The following SLC25A48 variants were observed in gnomAD, a reference collection of about 807,000 sequenced individuals.
SLC25A48 encodes CTC-321K16.1.
In SLC25A48, 29 loss-of-function variants were observed where a neutral mutation model predicts 32.2. The ratio of observed to expected loss-of-function variants is 0.90; its 90% CI spans 0.67 to 1.23. The LOEUF is 1.23. SLC25A48 is among the 50% of genes most tolerant of loss of function. The pLI, the probability that SLC25A48 is intolerant of heterozygous loss-of-function variation, is 0.00. For missense variants in SLC25A48, 399 were observed against 422.7 expected (o/e 0.94, Z 0.49); for synonymous variants, 164 against 172.3 (o/e 0.95, Z 0.38).
At chr5:135,775,441 A>G (rs966378667) in intron 3 of SLC25A48, among the ~76,000 whole-genome samples, 2 of 151,598 alleles carry the variant, frequency 1.3e-5, no homozygotes, top group Admixed American at 1.3e-4. Flanking sequence ...AGAGAATAAT[A>G]TGACTCCCTA....
rs1761399870 is a variant in SLC25A48 at position 135,868,665 on chromosome 5, C to T, written c.422-2796C>T. On this transcript the variant is annotated intron_variant, in intron 4 of 7. Transcript: ENST00000681962. Reference sequence around the variant, plus strand: ...GTAAAAATACATCTATGTGTATACACACACACACACATACACACACACACA... The same window carrying T: ...GTAAAAATACATCTATGTGTATACATACACACACACATACACACACACACA... Among the ~76,000 whole-genome samples, 4 of 91,344 alleles carry T rather than the reference C, an allele frequency of 4.4e-5. No individual in the cohort carries two copies. The South Asian group carries it at 1.5e-3, about 35-fold the overall frequency. The allele number at this position is 91,344 out of a possible 152,430, so 59.9% of individuals were successfully genotyped here. A position where few individuals can be genotyped will look rare whatever the true frequency, so the allele number is the denominator to read the frequency against.
rs112183771 is a variant in SLC25A48, at chr5:135,791,936, G to A, written c.-520-20587G>A. Among the ~76,000 whole-genome samples, 689 of 151,712 alleles carry A rather than the reference G, an allele frequency of 4.5e-3. 10 individuals are homozygous for A. Among genetic ancestry groups the A allele is most frequent in the African/African-American group, 0.014 (565 of 41,406 alleles). ...TGTAATATCCTAAGAAGATATTACC[G>A]CAAACATCACAGTGCATGTACACAC... On this transcript the variant is annotated intron_variant, in intron 3 of 10. Transcript: ENST00000646290.
chr5:135,723,718 G>C (rs1755026025), intron 3 of SLC25A48, among the ~76,000 whole-genome samples: 2 of 152,064 alleles, frequency 1.3e-5, no homozygotes, highest in South Asian at 2.1e-4. Context: ...TTTGCATTCT[G>C]TTTCTCCCTT....
intron 6 of SLC25A48, chr5:135,874,533 T>C (rs1761904159): frequency 1.8e-6 from 1 of 564,590 alleles, no homozygotes; most frequent in Non-Finnish European, 3.1e-6. Flanking sequence ...CTCCTCCCAG[T>C]GGGAAGTGCC....
chr5:135,654,649 C>G (rs1232243432), intron 3 of SLC25A48, among the ~76,000 whole-genome samples: 1 of 152,138 alleles, frequency 6.6e-6, no homozygotes, highest in Non-Finnish European at 1.5e-5. Flanking sequence ...GCTACACTAC[C>G]CAGTTATTTA....
intron 3 of SLC25A48, among the ~76,000 whole-genome samples, chr5:135,681,026 G>T (rs938970286): frequency 6.6e-6 from 1 of 151,552 alleles, no homozygotes; most frequent in Non-Finnish European, 1.5e-5. Flanking sequence ...GCTCTAGTTG[G>T]CAAGGATAGA....
intron 3 of SLC25A48, among the ~76,000 whole-genome samples, chr5:135,690,306 T>G (rs1009800292): frequency 1.3e-5 from 2 of 152,108 alleles, no homozygotes; most frequent in East Asian, 3.9e-4. Flanking sequence ...TAATATATTA[T>G]GGAGGGATGA....
At chr5:135,633,549 A>G (rs1752628229) in intron 2 of SLC25A48, among the ~76,000 whole-genome samples, 1 of 151,962 alleles carries the variant, frequency 6.6e-6, no homozygotes, top group Non-Finnish European at 1.5e-5. Context: ...CTCCAGAACC[A>G]TGCTGTCTCT....
chr5:135,808,750 G>A (rs1345863584), intron 3 of SLC25A48, among the ~76,000 whole-genome samples: 6 of 152,150 alleles, frequency 3.9e-5, no homozygotes. Context: ...CATGGAAGGT[G>A]CTTACTAAAT....
At chr5:135,723,988 C>T (rs1182681866) in intron 3 of SLC25A48, among the ~76,000 whole-genome samples, 1 of 152,194 alleles carries the variant, frequency 6.6e-6, no homozygotes, top group Non-Finnish European at 1.5e-5. Flanking sequence ...TGGAGGTCTT[C>T]TCTACTTATT....
chr5:135,806,247 T>C (rs1757461301), intron 3 of SLC25A48, among the ~76,000 whole-genome samples: 1 of 151,742 alleles, frequency 6.6e-6, no homozygotes, highest in African/African-American at 2.4e-5. Context: ...GTACACCCTG[T>C]GGGTATGTAC....
chr5:135,653,008 G>T (rs1753152815), intron 3 of SLC25A48, among the ~76,000 whole-genome samples: 2 of 152,092 alleles, frequency 1.3e-5, no homozygotes, highest in Non-Finnish European at 1.5e-5. Flanking sequence ...CTTTTGTGGT[G>T]GGTTCACGCT....
intron 3 of SLC25A48, among the ~76,000 whole-genome samples, chr5:135,715,643 T>G (rs536866741): frequency 1.8e-4 from 28 of 152,356 alleles, no homozygotes; most frequent in African/African-American, 6.5e-4. Context: ...GTTTGGGCAC[T>G]AGAGTGTTGG....
intron 3 of SLC25A48, among the ~76,000 whole-genome samples, chr5:135,650,791 T>C (rs979855291): frequency 6.6e-6 from 1 of 152,110 alleles, no homozygotes; most frequent in Non-Finnish European, 1.5e-5. Context: ...TGTGTATGTG[T>C]GTGTGTGGTG....
At chr5:135,581,128 T>C in intron 1 of SLC25A48, among the ~76,000 whole-genome samples, 1 of 152,254 alleles carries the variant, frequency 6.6e-6, no homozygotes, top group East Asian at 1.9e-4. Flanking sequence ...AATGAGATAG[T>C]GCATGTAATG....
At chr5:135,708,218 C>T (rs1580802503) in intron 3 of SLC25A48, among the ~76,000 whole-genome samples, 1 of 152,248 alleles carries the variant, frequency 6.6e-6, no homozygotes, top group East Asian at 1.9e-4. Flanking sequence ...TAGCATAAAC[C>T]ACACCTATGT....
chr5:135,641,958 T>C (rs909702576), intron 3 of SLC25A48, among the ~76,000 whole-genome samples: 1 of 152,218 alleles, frequency 6.6e-6, no homozygotes, highest in African/African-American at 2.4e-5. Flanking sequence ...ACTAGTGTAA[T>C]ACATAGAGCC....
intron 3 of SLC25A48, among the ~76,000 whole-genome samples, chr5:135,757,461 A>G (rs762405371): frequency 6.0e-5 from 9 of 149,572 alleles, no homozygotes; most frequent in South Asian, 2.2e-4. Flanking sequence ...TCTAGTGTTA[A>G]CACACAATAA....
intron 3 of SLC25A48, among the ~76,000 whole-genome samples, chr5:135,748,772 G>A (rs955856167): frequency 2.0e-5 from 3 of 146,568 alleles, no homozygotes; most frequent in Non-Finnish European, 4.5e-5. Context: ...AGGCTGGAGT[G>A]CAATGGCACG....
Sources: gnomAD v4.1 joint callset for allele counts (sites outside exome capture counted in the v4.1 genomes callset) on GRCh38, gnomAD v4.1.1 for gene constraint, MANE v1.5 for transcripts, NCBI Gene and HGNC (gene_info 2026-07-23, HGNC 2026-07-21) for gene names.